PAK1IP1: variants seen among roughly 807,000 people sequenced by gnomAD.
PAK1IP1 encodes the protein PAK1 interacting protein 1, also known as p21-activated protein kinase-interacting protein 1.
A neutral mutation model predicts 42.0 loss-of-function variants in PAK1IP1; 24 were observed. That is an observed-to-expected ratio of 0.57 (90% CI 0.41 to 0.80). PAK1IP1 has a LOEUF of 0.80. Among genes scored for constraint, PAK1IP1 ranks in the 30% least tolerant of loss-of-function variants. The pLI, the probability that PAK1IP1 is intolerant of heterozygous loss-of-function variation, is 0.00. For synonymous variants in PAK1IP1, 154 were observed against 156.7 expected (o/e 0.98, Z 0.13); for missense variants, 411 against 467.9 (o/e 0.88, Z 1.12).
intron 8 of PAK1IP1, among the ~76,000 whole-genome samples, chr6:10,708,075 G>T (rs9467321): frequency 0.025 from 3,453 of 140,354 alleles, 131 homozygotes; most frequent in African/African-American, 0.083. Flanking sequence ...ATACAATTCA[G>T]TGATTTAATT....
In PAK1IP1 at chr6:10,709,638, GCAGA is replaced by G. The variant is rs1180625501; in HGVS notation, c.*190_*193del. 1.0e-5 allele frequency: 4 copies of G among 393,734 alleles called. No individual in the cohort carries two copies. The highest frequency in any genetic ancestry group is 2.2e-5 in the African/African-American group (1 of 44,670). 24.4% of individuals were successfully genotyped at this position (393,734 alleles called of 1,614,324 possible). A position where few individuals can be genotyped will look rare whatever the true frequency, so the allele number is the denominator to read the frequency against. ...AAAAAAACTGGTAAAATTACTTTTG[GCAGA>G]CAGTGTTTTATGAATTATGTATCAT... On this transcript the variant is annotated 3_prime_UTR_variant, in exon 10 of 10. Coordinates refer to ENST00000379568, the MANE Select transcript of PAK1IP1 (RefSeq NM_017906.3).
At chr6:10,707,583 T>G in intron 8 of PAK1IP1, 69 bp downstream of exon 8, 2 of 916,808 alleles carry the variant, frequency 2.2e-6, no homozygotes, top group Non-Finnish European at 3.6e-6. Flanking sequence ...TGGAATTTTT[T>G]TAAGGGTCAT....
In PAK1IP1 at chr6:10,707,498, A is replaced by C. The variant is rs771392427; in HGVS notation, c.824A>C (p.Lys275Thr). ...AGTGATGGTTTCATCAAAATGTGGAAGCTTAAGCAGGATAAGGTCAGTGCT... is the reference window on the plus strand; with the variant it reads ...AGTGATGGTTTCATCAAAATGTGGACGCTTAAGCAGGATAAGGTCAGTGCT... The part of the protein sequence containing the change: ...ASSDGFIKMW[K>T]LKQDKKVPPS... The change falls in exon 8 of 10, where the codon AAG becomes ACG. Residue 275 changes from lysine to threonine, a missense_variant. Physicochemically the swap from Lys to Thr is moderately conservative, Grantham distance 78 (BLOSUM62 -1). Coordinates refer to ENST00000379568, the MANE Select transcript of PAK1IP1 (RefSeq NM_017906.3). 1 of 1,599,204 alleles carries C rather than the reference A, an allele frequency of 6.3e-7. No individual in the cohort carries two copies. The highest frequency in any genetic ancestry group is 8.6e-7 in the Non-Finnish European group (1 of 1,166,302).
chr6:10,702,564 G>A lies in PAK1IP1; in HGVS notation c.369-1G>A, dbSNP rs769481371. ...GGGACTAACTTTTGGTTTCATTATA[G>A]AGGACAGGTGACCTTCCTTTCTATT... On this transcript the variant is annotated splice_acceptor_variant, in intron 3 of 9. Transcript: ENST00000379568. LOFTEE classifies it high-confidence loss of function. 1 of 1,613,968 alleles carries A rather than the reference G, an allele frequency of 6.2e-7. No homozygotes were observed. Among genetic ancestry groups the A allele is most frequent in the African/African-American group, 1.3e-5 (1 of 75,046 alleles).
upstream of PAK1IP1, among the ~76,000 whole-genome samples, chr6:10,691,221 C>T (rs1241262339): frequency 6.6e-6 from 1 of 152,110 alleles, no homozygotes; most frequent in East Asian, 1.9e-4. Flanking sequence ...CAGGACAAGC[C>T]GCAGACAAAA....
chr6:10,697,187 A>G (rs1769884950), intron 1 of PAK1IP1, 137 bp from the exon 2 acceptor site: 15 of 725,558 alleles, frequency 2.1e-5, no homozygotes, highest in Non-Finnish European at 3.5e-5. Context: ...ATCCATTGAT[A>G]GTTTTCATGA....
rs537640554 is a variant in PAK1IP1 at position 10,700,682 on chromosome 6, G to T, written c.248-1687G>T. Among the ~76,000 whole-genome samples, 5 of 152,256 alleles carry T rather than the reference G, an allele frequency of 3.3e-5. No homozygotes were observed. The East Asian group carries it at 9.6e-4, about 29-fold the overall frequency. ...GGAAGAAATAAGTTAAATTTGATCT[G>T]CCCAAACCCATTAGTACAAGTGTTC... is the stretch of plus-strand genomic sequence containing the variant. On this transcript the variant is annotated intron_variant, in intron 2 of 9. Coordinates refer to ENST00000379568, the MANE Select transcript of PAK1IP1 (RefSeq NM_017906.3).
At chr6:10,704,704 T>G (rs1247662293) in intron 6 of PAK1IP1, 43 bp from the exon 7 acceptor site, 2 of 1,599,518 alleles carry the variant, frequency 1.3e-6, no homozygotes, top group Admixed American at 3.3e-5. Context: ...TTGGAACTGT[T>G]GATGACATTC....
At chr6:10,699,452 A>T (rs1769962145) in intron 2 of PAK1IP1, among the ~76,000 whole-genome samples, 1 of 152,134 alleles carries the variant, frequency 6.6e-6, no homozygotes, top group Non-Finnish European at 1.5e-5. Flanking sequence ...AGGTCACTGG[A>T]GTTGAAGTCA....
chr6:10,708,762 ATGAG>A (rs1212219419), intron 8 of PAK1IP1, among the ~76,000 whole-genome samples, 187 bp from the exon 9 acceptor site: 1 of 151,544 alleles, frequency 6.6e-6, no homozygotes, highest in Non-Finnish European at 1.5e-5. Flanking sequence ...ATTCCCACCT[ATGAG>A]TGAGAACATG....
At chr6:10,695,967 T>C (rs1178352803) in intron 1 of PAK1IP1, among the ~76,000 whole-genome samples, 1 of 152,174 alleles carries the variant, frequency 6.6e-6, no homozygotes, top group Non-Finnish European at 1.5e-5. Flanking sequence ...TATTTAATTT[T>C]TTTTTTTTGT....
chr6:10,707,648 G>C, intron 8 of PAK1IP1, 134 bp downstream of exon 8: 1 of 574,012 alleles, frequency 1.7e-6, no homozygotes. Context: ...TGATATTAAT[G>C]GTTTTAAAAT....
intron 2 of PAK1IP1, among the ~76,000 whole-genome samples, chr6:10,700,492 T>G (rs551471876): frequency 5.3e-5 from 8 of 152,314 alleles, no homozygotes; most frequent in South Asian, 4.1e-4. Context: ...TTTCAGCAAA[T>G]GAATTTTGGG....
upstream of PAK1IP1, chr6:10,694,727 C>A (rs907305114): frequency 2.1e-5 from 8 of 386,128 alleles, no homozygotes; most frequent in African/African-American, 1.7e-4. Flanking sequence ...CCTGCTTGCC[C>A]CCGATTTTTT....
chr6:10,702,110 T>G (rs1039012117), intron 2 of PAK1IP1, among the ~76,000 whole-genome samples: 3 of 151,892 alleles, frequency 2.0e-5, no homozygotes, highest in Non-Finnish European at 4.4e-5. Context: ...TATATTGATG[T>G]GCACCTGTAG....
At chr6:10,707,551 C>A in intron 8 of PAK1IP1, 37 bp downstream of exon 8, 1 of 1,260,842 alleles carries the variant, frequency 7.9e-7, no homozygotes, top group Non-Finnish European at 1.2e-6. Context: ...TACTTTAATA[C>A]AAGTCTTGCT....
chr6:10,708,619 T>G (rs1770277487), intron 8 of PAK1IP1, among the ~76,000 whole-genome samples: 2 of 135,126 alleles, frequency 1.5e-5, no homozygotes, highest in South Asian at 4.2e-4. Context: ...TATGTTGGTG[T>G]GCTGCACCCA....
At chr6:10,694,575 A>G (rs9467252), upstream of PAK1IP1, 21,319 of 186,182 alleles carry the variant, frequency 0.11, 4,363 homozygotes, top group African/African-American at 0.45. Context: ...ACAACAATGC[A>G]CGCTGCCGGC....
Position 10,708,955 on chromosome 6 carries a change from A to G in PAK1IP1, c.843A>G (p.Lys281=). ...GAATGTTTGTTTCTTCTGTTTAGAAAGTTCCCCCATCTTTACTCTGTGAAA... is the reference window on the plus strand; with the variant it reads ...GAATGTTTGTTTCTTCTGTTTAGAAGGTTCCCCCATCTTTACTCTGTGAAA... ...IKMWKLKQDK[K]VPPSLLCEIN... The change falls in exon 9 of 10, where the codon AAA becomes AAG. Residue 281 remains lysine, a splice_region_variant and synonymous_variant. Transcript: ENST00000379568. 1 of 1,604,192 alleles carries G rather than the reference A, an allele frequency of 6.2e-7. No homozygotes were observed. The highest frequency in any genetic ancestry group is 1.1e-5 in the South Asian group (1 of 89,194).
Sources: gnomAD v4.1 joint callset for allele counts (sites outside exome capture counted in the v4.1 genomes callset) on GRCh38, gnomAD v4.1.1 for gene constraint, MANE v1.5 for transcripts, NCBI Gene and HGNC (gene_info 2026-07-23, HGNC 2026-07-21) for gene names.